The following PFKP variants were observed in gnomAD, a reference collection of about 807,000 sequenced individuals.
The protein encoded by PFKP is phosphofructokinase, platelet.
In PFKP, 101 loss-of-function variants were observed where a neutral mutation model predicts 94.3. The ratio of observed to expected loss-of-function variants is 1.07; its 90% CI spans 0.91 to 1.26. The LOEUF (loss-of-function observed/expected upper bound fraction) is 1.26, where lower values mean the gene tolerates loss of function less well. Among genes scored for constraint, PFKP ranks in the 50% most tolerant of loss-of-function variants. PFKP has a pLI of 0.00. For missense variants in PFKP, 1,145 were observed against 1,103.3 expected (o/e 1.04, Z -0.53); for synonymous variants, 573 against 432.6 (o/e 1.32, Z -4.03).
At chr10:3,118,564 T>C (rs1456873210) in intron 14 of PFKP, among the ~76,000 whole-genome samples, 1 of 152,228 alleles carries the variant, frequency 6.6e-6, no homozygotes, top group Non-Finnish European at 1.5e-5. Flanking sequence ...CTGAAATGCT[T>C]TATTCCATTT....
In PFKP at chr10:3,116,490, G is replaced by A. The variant is rs1050404771; in HGVS notation, c.1372-286G>A. Among the ~76,000 whole-genome samples the A allele has an allele frequency of 4.6e-5, 7 of 152,088 alleles. No homozygotes were observed. The highest frequency in any genetic ancestry group is 6.6e-5 in the Admixed American group (1 of 15,266). Reference sequence around the variant, plus strand: ...TACTTTTCTTTTAGTTGCCGGTGGCGGGATACGGTGAGCTGATGTATCTCA... The same window carrying A: ...TACTTTTCTTTTAGTTGCCGGTGGCAGGATACGGTGAGCTGATGTATCTCA... On this transcript the variant is annotated intron_variant, in intron 13 of 21. Transcript: ENST00000381125.
intron 13 of PFKP, among the ~76,000 whole-genome samples, chr10:3,114,954 G>A (rs1237300315): frequency 6.6e-6 from 1 of 152,222 alleles, no homozygotes; most frequent in Non-Finnish European, 1.5e-5. Flanking sequence ...GGGCTTTGCA[G>A]TCACCTAGCA....
intron 2 of PFKP, among the ~76,000 whole-genome samples, chr10:3,093,904 A>C (rs7896829): frequency 6.6e-6 from 1 of 151,966 alleles, no homozygotes; most frequent in African/African-American, 2.4e-5. Flanking sequence ...TGGCCTCCCA[A>C]AGTGCTGGGA....
chr10:3,095,977 A>G (rs1027250648), intron 2 of PFKP, among the ~76,000 whole-genome samples: 5 of 152,190 alleles, frequency 3.3e-5, no homozygotes, highest in African/African-American at 1.2e-4. Context: ...TTTCTTTGCC[A>G]CATGCATCTA....
intron 10 of PFKP, among the ~76,000 whole-genome samples, chr10:3,109,781 G>C (rs1370081355): frequency 6.6e-6 from 1 of 152,028 alleles, no homozygotes; most frequent in African/African-American, 2.4e-5. Flanking sequence ...CGAGGATCCA[G>C]GTGGCCCCAG....
intron 16 of PFKP, among the ~76,000 whole-genome samples, chr10:3,128,497 A>G (rs754821703): frequency 1.1e-5 from 1 of 89,260 alleles, no homozygotes; most frequent in Non-Finnish European, 2.8e-5. Context: ...GGGGCTGGAA[A>G]ATAATACTCT....
intron 1 of PFKP, chr10:3,069,212 G>C (rs1831992299): frequency 7.6e-7 from 1 of 1,308,158 alleles, no homozygotes; most frequent in African/African-American, 1.5e-5. Context: ...CAGCGCCCCC[G>C]GGAAGTGCTC....
At chr10:3,101,119 G>C in intron 3 of PFKP, 2 of 877,034 alleles carry the variant, frequency 2.3e-6, no homozygotes, top group South Asian at 1.4e-5. Context: ...GCTGGCTGCC[G>C]TGTGTCTGGC....
At chr10:3,087,650 A>G (rs977676999) in intron 2 of PFKP, among the ~76,000 whole-genome samples, 1 of 152,208 alleles carries the variant, frequency 6.6e-6, no homozygotes, top group African/African-American at 2.4e-5. Context: ...TTTGGCACAA[A>G]GAATGATCAG....
rs10903954 is a variant in PFKP, at chr10:3,080,823, G to T, written c.113-1565G>T. ...GTCAGAGGGAGTCAGGGAGTCGGGG[G>T]TAATGTTGGGAGCAGGTGTTGGTTG... On this transcript the variant is annotated intron_variant, in intron 1 of 21. Transcript: ENST00000381125. Among the ~76,000 whole-genome samples, 19 of 152,256 alleles carry T rather than the reference G, an allele frequency of 1.2e-4. 1 individual carries two copies. The East Asian group carries it at 3.3e-3, about 26-fold the overall frequency.
At chr10:3,121,918 C>T (rs2131654364) in intron 16 of PFKP, among the ~76,000 whole-genome samples, 1 of 145,714 alleles carries the variant, frequency 6.9e-6, no homozygotes, top group Middle Eastern at 3.9e-3. Flanking sequence ...ACCTCCCAGG[C>T]TTAGGTGATC....
At chr10:3,090,686 C>T (rs1833976239) in intron 2 of PFKP, among the ~76,000 whole-genome samples, 1 of 152,128 alleles carries the variant, frequency 6.6e-6, no homozygotes, top group African/African-American at 2.4e-5. Flanking sequence ...AGCAGCACCC[C>T]TGTGTCCACC....
intron 20 of PFKP, among the ~76,000 whole-genome samples, chr10:3,135,423 T>C (rs980636474): frequency 9.0e-5 from 13 of 144,832 alleles, no homozygotes; most frequent in African/African-American, 3.4e-4. Flanking sequence ...AGTGTGTGTA[T>C]GTGTGAGCAT....
chr10:3,077,457 G>A (rs552423819), intron 1 of PFKP, among the ~76,000 whole-genome samples: 16 of 151,236 alleles, frequency 1.1e-4, no homozygotes, highest in South Asian at 8.4e-4. Flanking sequence ...TAGTAGAGAT[G>A]GGGTTTCACC....
chr10:3,125,354 CT>C, intron 16 of PFKP: 2 of 878,630 alleles, frequency 2.3e-6, no homozygotes, highest in South Asian at 2.0e-5. Context: ...CTTTTCTCCC[CT>C]TTGTTAGCTT....
At chr10:3,102,259 A>AAC (rs1299678957) in intron 4 of PFKP, among the ~76,000 whole-genome samples, 1 of 141,490 alleles carries the variant, frequency 7.1e-6, no homozygotes, top group African/African-American at 2.9e-5. Flanking sequence ...TCAAAAAAAA[A>AAC]AAAAAAAAAA....
intron 2 of PFKP, among the ~76,000 whole-genome samples, chr10:3,090,751 A>C (rs558578722): frequency 3.4e-4 from 51 of 152,086 alleles, no homozygotes; most frequent in African/African-American, 9.9e-4. Context: ...AACATCGGCG[A>C]ACGTCCTATG....
rs116100339 is a variant in PFKP at position 3,125,055 on chromosome 10, G to A, written c.1684-4764G>A. 2,809 of 1,178,652 alleles carry A rather than the reference G, an allele frequency of 2.4e-3. 61 individuals carry two copies. In the African/African-American group the frequency reaches 0.043, roughly 18 times the overall value. 73.0% of individuals were successfully genotyped at this position (1,178,652 alleles called of 1,614,324 possible). A position where few individuals can be genotyped will look rare whatever the true frequency, so the allele number is the denominator to read the frequency against. On this transcript the variant is annotated intron_variant, in intron 16 of 21. Transcript: ENST00000381125. ...CACAGGCCCTGGGGCTGGCAGGTGA[G>A]CACCCGGCACCCCCGCTAACCGCTT...
chr10:3,121,588 T>G (rs535395883), intron 16 of PFKP, among the ~76,000 whole-genome samples: 1 of 150,110 alleles, frequency 6.7e-6, no homozygotes, highest in Non-Finnish European at 1.5e-5. Flanking sequence ...ACTGTTTTTT[T>G]TTTTTTTTTT....
Sources: allele counts gnomAD v4.1 joint callset (sites outside exome capture counted in the v4.1 genomes callset), GRCh38; gene constraint gnomAD v4.1.1; transcripts MANE v1.5; gene names NCBI Gene and HGNC (gene_info 2026-07-23, HGNC 2026-07-21).